Variants in COG5 observed in about 807,000 individuals in gnomAD.
COG5 encodes conserved oligomeric Golgi complex subunit 5.
A neutral mutation model predicts 110.4 loss-of-function variants in COG5; 86 were observed. That is an observed-to-expected ratio of 0.78 (90% CI 0.65 to 0.93). COG5 has a LOEUF of 0.93. Among genes scored for constraint, COG5 ranks in the 40% least tolerant of loss-of-function variants. The pLI, the probability that COG5 is intolerant of heterozygous loss-of-function variation, is 0.00. For synonymous variants in COG5, 360 were observed against 334.6 expected, an observed-to-expected ratio of 1.08 and a Z score of -0.83; for missense variants, 1,077 against 987.0, an observed-to-expected ratio of 1.09 and a Z score of -1.22.
chr7:107,429,689 T>C (rs1793883994), intron 6 of COG5, among the ~76,000 whole-genome samples: 1 of 152,166 alleles, frequency 6.6e-6, no homozygotes, highest in Non-Finnish European at 1.5e-5. Context: ...AGGGACCTGG[T>C]GGGAGGTAAT....
intron 21 of COG5, among the ~76,000 whole-genome samples, chr7:107,204,008 C>T (rs557342098): frequency 2.2e-4 from 33 of 152,316 alleles, no homozygotes; most frequent in Non-Finnish European, 4.4e-4. Flanking sequence ...GCATCCTGCG[C>T]CTCTGAAAGG....
intron 6 of COG5, among the ~76,000 whole-genome samples, chr7:107,448,702 A>C (rs1227358946): frequency 6.6e-6 from 1 of 152,188 alleles, no homozygotes; most frequent in Non-Finnish European, 1.5e-5. Flanking sequence ...CATGTCCCAG[A>C]GTACAGTTGA....
chr7:107,251,207 T>A (rs1437347753), intron 16 of COG5, among the ~76,000 whole-genome samples: 2 of 150,270 alleles, frequency 1.3e-5, no homozygotes, highest in African/African-American at 2.4e-5. Context: ...TCAGAAAGCA[T>A]GGAGGCCAGA....
intron 14 of COG5, among the ~76,000 whole-genome samples, chr7:107,262,976 A>T (rs61406169): frequency 0.18 from 27,458 of 152,106 alleles, 2,679 homozygotes; most frequent in Non-Finnish European, 0.22. Context: ...GTCTTATTCA[A>T]ATTTTCTTTT....
chr7:107,420,968 G>A (rs1380359948), intron 6 of COG5, among the ~76,000 whole-genome samples: 1 of 152,132 alleles, frequency 6.6e-6, no homozygotes, highest in African/African-American at 2.4e-5. Context: ...TCTCACAAAA[G>A]GGGGAAGGAA....
chr7:107,248,553 C>T (rs1802234466), intron 16 of COG5, 54 bp from the exon 17 acceptor site: 2 of 1,247,800 alleles, frequency 1.6e-6, no homozygotes, highest in Non-Finnish European at 2.3e-6. Context: ...AGAAAAACAA[C>T]CCAAAGAAAT....
At chr7:107,524,724 T>A (rs1458644831) in intron 6 of COG5, among the ~76,000 whole-genome samples, 3 of 152,212 alleles carry the variant, frequency 2.0e-5, no homozygotes, top group Admixed American at 2.0e-4. Flanking sequence ...TCACACATCA[T>A]CTGCAAGGCT....
intron 6 of COG5, among the ~76,000 whole-genome samples, chr7:107,440,150 T>A (rs1307230323): frequency 1.3e-5 from 2 of 152,242 alleles, no homozygotes; most frequent in Admixed American, 1.3e-4. Flanking sequence ...AATCTACTTG[T>A]CTAACTGTCC....
At chr7:107,237,643 T>G (rs972464792) in intron 17 of COG5, among the ~76,000 whole-genome samples, 3 of 152,250 alleles carry the variant, frequency 2.0e-5, no homozygotes, top group Non-Finnish European at 4.4e-5. Context: ...GGTCCGTCAC[T>G]TTCAGAAGCA....
chr7:107,229,861 T>C lies in COG5; in HGVS notation c.2168+754A>G, dbSNP rs962006545. Among the ~76,000 whole-genome samples the C allele has an allele frequency of 1.2e-3, 177 of 149,464 alleles. 2 individuals are homozygous for C. The highest frequency in any genetic ancestry group is 7.8e-4 in the East Asian group (4 of 5,144). On this transcript the variant is annotated intron_variant, in intron 19 of 21. Coordinates refer to ENST00000297135, the MANE Select transcript of COG5 (RefSeq NM_006348.5). ...TTGGTTTTTGTTTTTTTTTTTTGTT[T>C]TTTTTTTTGAGACAGAGTCTCACTC...
chr7:107,541,523 AATATAT>A (rs1554460370), intron 5 of COG5, among the ~76,000 whole-genome samples: 2 of 57,028 alleles, frequency 3.5e-5, no homozygotes, highest in Non-Finnish European at 6.7e-5. Context: ...AAAAAAAAAA[AATATAT>A]ATATATATAT....
intron 5 of COG5, among the ~76,000 whole-genome samples, chr7:107,535,178 A>G (rs1331707031): frequency 2.6e-5 from 4 of 151,722 alleles, no homozygotes; most frequent in Non-Finnish European, 5.9e-5. Flanking sequence ...CAGTGTTTAG[A>G]GGGAAATTTA....
At chr7:107,534,442 T>C (rs1055922285) in intron 5 of COG5, among the ~76,000 whole-genome samples, 1 of 150,258 alleles carries the variant, frequency 6.7e-6, no homozygotes, top group Non-Finnish European at 1.5e-5. Context: ...AAGACACATA[T>C]AGGCTGAAAA....
rs1165619035 is a variant in COG5 at position 107,201,554 on chromosome 7, A to G, written c.*1962T>C. 5 of 546,624 alleles carry G rather than the reference A, an allele frequency of 9.1e-6. No homozygotes were observed. The highest frequency in any genetic ancestry group is 3.8e-5 in the African/African-American group (2 of 52,024). 33.9% of individuals were successfully genotyped at this position (546,624 alleles called of 1,614,324 possible). Reference sequence around the variant, plus strand: ...CGTGTGACCATAAGATACTGATAGCATTGAGTCTTGAAATGATTTAATAAT... The same window carrying G: ...CGTGTGACCATAAGATACTGATAGCGTTGAGTCTTGAAATGATTTAATAAT... On this transcript the variant is annotated 3_prime_UTR_variant, in exon 22 of 22. Transcript: ENST00000297135.
intron 7 of COG5, among the ~76,000 whole-genome samples, chr7:107,376,115 C>G (rs1814617976): frequency 6.6e-6 from 1 of 151,992 alleles, no homozygotes; most frequent in African/African-American, 2.4e-5. Context: ...AACCAAGTTT[C>G]TAAATATGTG....
chr7:107,374,060 A>G (rs1374993228), intron 7 of COG5, among the ~76,000 whole-genome samples: 2 of 152,110 alleles, frequency 1.3e-5, no homozygotes, highest in Non-Finnish European at 2.9e-5. Context: ...AACCAAATGG[A>G]TATTATTTCA....
intron 6 of COG5, among the ~76,000 whole-genome samples, chr7:107,453,788 A>T (rs2129095685): frequency 6.6e-6 from 1 of 152,296 alleles, no homozygotes; most frequent in Admixed American, 6.5e-5. Flanking sequence ...CACAGCTCTT[A>T]TAATACCAAT....
intron 6 of COG5, among the ~76,000 whole-genome samples, chr7:107,503,529 C>T (rs1043570630): frequency 1.3e-5 from 2 of 151,910 alleles, no homozygotes; most frequent in Admixed American, 1.3e-4. Flanking sequence ...TTTTCCCATT[C>T]GGTGAAAAAT....
At chr7:107,538,217 T>C (rs1461592663) in intron 5 of COG5, among the ~76,000 whole-genome samples, 1 of 152,230 alleles carries the variant, frequency 6.6e-6, no homozygotes, top group African/African-American at 2.4e-5. Flanking sequence ...AGAATTCATC[T>C]GCATAATAAA....
Sources: gnomAD v4.1 joint callset for allele counts (sites outside exome capture counted in the v4.1 genomes callset) on GRCh38, gnomAD v4.1.1 for gene constraint, MANE v1.5 for transcripts, NCBI Gene and HGNC (gene_info 2026-07-23, HGNC 2026-07-21) for gene names.